SCFD2: variants seen among roughly 807,000 people sequenced by gnomAD.
SCFD2 encodes the protein sec1 family domain-containing protein 2.
In SCFD2, 54 loss-of-function variants were observed where a neutral mutation model predicts 58.9. That is an observed-to-expected ratio of 0.92 (90% confidence interval 0.74 to 1.15). The LOEUF (loss-of-function observed/expected upper bound fraction) is 1.15. Among genes scored for constraint, SCFD2 ranks in the 50% most tolerant of loss-of-function variants. SCFD2 has a pLI of 0.00. For synonymous variants in SCFD2, 321 were observed against 335.9 expected, an observed-to-expected ratio of 0.96 and a Z score of 0.49; for missense variants, 805 against 836.6, an observed-to-expected ratio of 0.96 and a Z score of 0.47.
At chr4:52,918,305 A>C (rs574850926) in intron 6 of SCFD2, among the ~76,000 whole-genome samples, 1 of 152,324 alleles carries the variant, frequency 6.6e-6, no homozygotes, top group Admixed American at 6.5e-5. Flanking sequence ...TTGTGTCCAA[A>C]TAAATCTCCT....
chr4:53,111,399 G>T (rs1725169984), intron 5 of SCFD2, among the ~76,000 whole-genome samples: 1 of 152,014 alleles, frequency 6.6e-6, no homozygotes, highest in South Asian at 2.1e-4. Context: ...GAACTTTCTG[G>T]TACATATAAT....
At chr4:53,044,828 G>GA (rs1722988915) in intron 5 of SCFD2, among the ~76,000 whole-genome samples, 2 of 134,040 alleles carry the variant, frequency 1.5e-5, no homozygotes, top group African/African-American at 6.0e-5. Context: ...GAGTATTTCT[G>GA]TTTTTTTTTT....
chr4:52,952,673 G>T (rs780496572), intron 5 of SCFD2, among the ~76,000 whole-genome samples: 7 of 152,148 alleles, frequency 4.6e-5, no homozygotes, highest in Non-Finnish European at 8.8e-5. Flanking sequence ...ATTGCTGAAG[G>T]CCCCTTTCTT....
intron 3 of SCFD2, among the ~76,000 whole-genome samples, chr4:53,312,524 T>C (rs1732721962): frequency 6.6e-6 from 1 of 152,050 alleles, no homozygotes; most frequent in Non-Finnish European, 1.5e-5. Flanking sequence ...TTCTCAATAA[T>C]GGTTAGTTAT....
chr4:53,060,746 A>T (rs1051188670), intron 5 of SCFD2, among the ~76,000 whole-genome samples: 4 of 151,962 alleles, frequency 2.6e-5, no homozygotes. Flanking sequence ...TAATTAAAAA[A>T]ATATAAAGAT....
intron 4 of SCFD2, among the ~76,000 whole-genome samples, chr4:53,180,015 C>T (rs1259587756): frequency 1.3e-5 from 2 of 152,164 alleles, no homozygotes; most frequent in East Asian, 1.9e-4. Flanking sequence ...TCCTTAGTGA[C>T]CTACAAAGAG....
intron 5 of SCFD2, chr4:52,945,552 G>A (rs1344504091): frequency 6.6e-6 from 1 of 152,018 alleles, no homozygotes; most frequent in East Asian, 1.9e-4. Context: ...TTAATACTTA[G>A]TGTTCATCCA....
chr4:53,134,016 A>G (rs936592875), intron 5 of SCFD2, among the ~76,000 whole-genome samples: 1 of 152,234 alleles, frequency 6.6e-6, no homozygotes, highest in Non-Finnish European at 1.5e-5. Flanking sequence ...AAAAGAAGAA[A>G]ATTCTGTAAT....
chr4:53,120,236 G>C (rs1380689271), intron 5 of SCFD2, among the ~76,000 whole-genome samples: 1 of 152,152 alleles, frequency 6.6e-6, no homozygotes, highest in Non-Finnish European at 1.5e-5. Context: ...AAAGTTCTTA[G>C]TGGCACATTT....
At chr4:52,901,844 T>C (rs1193202685) in intron 7 of SCFD2, among the ~76,000 whole-genome samples, 2 of 152,212 alleles carry the variant, frequency 1.3e-5, no homozygotes, top group Admixed American at 6.5e-5. Context: ...CTGACTCTAG[T>C]AAAGGCAAAA....
intron 4 of SCFD2, among the ~76,000 whole-genome samples, chr4:53,186,447 G>T (rs1204770667): frequency 6.6e-6 from 1 of 151,916 alleles, no homozygotes; most frequent in Non-Finnish European, 1.5e-5. Context: ...ATTCTTGCAC[G>T]AAGAACATGT....
chr4:53,024,002 C>A (rs1426319030), intron 5 of SCFD2, among the ~76,000 whole-genome samples: 1 of 152,148 alleles, frequency 6.6e-6, no homozygotes, highest in Admixed American at 6.5e-5. Flanking sequence ...CACTGTAATT[C>A]AAATGAATCT....
rs2149027735 is a variant in SCFD2 at position 53,243,263 on chromosome 4, A to T, written c.1311+30563T>A. On this transcript the variant is annotated intron_variant, in intron 4 of 8. Transcript: ENST00000401642. ...GGTCACCTATACAGGGAAGCCCATC[A>T]TACTAACAGCAGACCCCTCAGCAGA... is the stretch of plus-strand genomic sequence containing the variant. Among the ~76,000 whole-genome samples, 2 of 152,304 alleles carry T rather than the reference A, an allele frequency of 1.3e-5. 1 individual carries two copies. Among genetic ancestry groups the T allele is most frequent in the South Asian group, 4.1e-4 (2 of 4,830 alleles).
chr4:53,267,370 T>C (rs901291295), intron 4 of SCFD2, among the ~76,000 whole-genome samples: 3 of 152,152 alleles, frequency 2.0e-5, no homozygotes, highest in African/African-American at 7.2e-5. Flanking sequence ...GTTAAACTAA[T>C]GGATGAGTAT....
chr4:53,336,307 G>T (rs1284309594), intron 2 of SCFD2, among the ~76,000 whole-genome samples: 1 of 152,004 alleles, frequency 6.6e-6, no homozygotes, highest in Non-Finnish European at 1.5e-5. Flanking sequence ...GATAGAAAAA[G>T]AAAGTGATAT....
chr4:53,157,341 A>G (rs1425819549), intron 4 of SCFD2, among the ~76,000 whole-genome samples: 2 of 152,236 alleles, frequency 1.3e-5, no homozygotes, highest in Non-Finnish European at 2.9e-5. Context: ...AGGGTTTCCA[A>G]TGCCACATTA....
At chr4:53,010,111 T>C (rs1463109566) in intron 5 of SCFD2, among the ~76,000 whole-genome samples, 1 of 152,204 alleles carries the variant, frequency 6.6e-6, no homozygotes, top group Non-Finnish European at 1.5e-5. Context: ...ACATGATAAC[T>C]GAGTCCTCAA....
At chr4:53,354,293 G>T (rs777330667) in intron 1 of SCFD2, among the ~76,000 whole-genome samples, 3 of 152,216 alleles carry the variant, frequency 2.0e-5, no homozygotes, top group Non-Finnish European at 2.9e-5. Context: ...GGAGTGCTGG[G>T]GGACCCAGCG....
intron 3 of SCFD2, among the ~76,000 whole-genome samples, chr4:53,287,547 C>T (rs559754304): frequency 6.6e-6 from 1 of 152,222 alleles, no homozygotes; most frequent in African/African-American, 2.4e-5. Context: ...AGTCAATGCA[C>T]CCTGCACAAG....
Sources: allele counts gnomAD v4.1 joint callset (sites outside exome capture counted in the v4.1 genomes callset), GRCh38; gene constraint gnomAD v4.1.1; transcripts MANE v1.5; gene names NCBI Gene and HGNC (gene_info 2026-07-23, HGNC 2026-07-21).